The following SOAT2 variants were observed in gnomAD, a reference collection of about 807,000 sequenced individuals.
SOAT2 encodes the protein ACAT-2.
A neutral mutation model predicts 76.0 loss-of-function variants in SOAT2; 87 were observed. That is an observed-to-expected ratio of 1.14 (90% CI 0.96 to 1.37). The LOEUF is 1.37. SOAT2 is among the 40% of genes most tolerant of loss of function. The pLI is 0.00. For synonymous variants in SOAT2, 285 were observed against 275.4 expected (o/e 1.03, Z -0.34); for missense variants, 686 against 682.1 (o/e 1.01, Z -0.06).
rs1473665344 is a variant in SOAT2, at chr12:53,119,115, C to G, written c.910-9C>G. On this transcript the variant is annotated splice_polypyrimidine_tract_variant and intron_variant, in intron 9 of 14. Transcript: ENST00000301466. Reference sequence around the variant, plus strand: ...CCTCTCCAGTTATGTGTCCCCATGCCCCCTCCAGGCCCTGGGATGTGTGCT... The same window carrying G: ...CCTCTCCAGTTATGTGTCCCCATGCGCCCTCCAGGCCCTGGGATGTGTGCT... 3.7e-6 allele frequency: 6 copies of G among 1,613,762 alleles called. No individual in the cohort carries two copies. The highest frequency in any genetic ancestry group is 4.2e-6 in the Non-Finnish European group (5 of 1,179,900).
intron 10 of SOAT2, among the ~76,000 whole-genome samples, chr12:53,119,655 A>G (rs957277568): frequency 2.6e-4 from 20 of 77,328 alleles, no homozygotes; most frequent in African/African-American, 4.9e-4. Context: ...CTGGGGGAAG[A>G]TATGTGCTTC....
rs148654512 is a variant in SOAT2, at chr12:53,121,294, C to G, written c.1138-9C>G. The stretch of plus-strand genomic sequence containing the variant: ...CTCCTTTCCCCCACTCTGACCCCAC[C>G]TTCTCCAGGACTGGTGGAACTCAAC... On this transcript the variant is annotated splice_polypyrimidine_tract_variant and intron_variant, in intron 11 of 14. Coordinates refer to ENST00000301466, the MANE Select transcript of SOAT2 (RefSeq NM_003578.4). 6,917 of 1,610,924 alleles carry G rather than the reference C, an allele frequency of 4.3e-3. 26 individuals are homozygous for G. The highest frequency in any genetic ancestry group is 4.9e-3 in the Non-Finnish European group (5,720 of 1,177,090).
chr12:53,120,021 C>G (rs570393691), intron 10 of SOAT2, among the ~76,000 whole-genome samples: 2 of 152,312 alleles, frequency 1.3e-5, no homozygotes, highest in African/African-American at 4.8e-5. Context: ...AGTAAATGTA[C>G]ATGAACAAAT....
intron 5 of SOAT2, among the ~76,000 whole-genome samples, chr12:53,111,690 A>G (rs1171725958): frequency 6.6e-6 from 1 of 152,242 alleles, no homozygotes; most frequent in Non-Finnish European, 1.5e-5. Flanking sequence ...TGCTTGATCA[A>G]TAAATGCAAA....
chr12:53,120,795 T>C lies in SOAT2; in HGVS notation c.1049T>C (p.Met350Thr), dbSNP rs767829321. Residue 350 changes from methionine (M) to threonine (T), a missense_variant, in exon 11 of 15, where the codon ATG becomes ACG. Met to Thr is a moderately conservative substitution (Grantham distance 81). Transcript: ENST00000301466. ...TGTCCCCAACCACCAGGCATCTTCA[T>C]GCTGCTGCTCATCTTCTTTGCCTTC... ...ILHATLPGIFMLLLIFFAFLH... is the reference protein window; with the variant it reads ...ILHATLPGIFTLLLIFFAFLH... The C allele has an allele frequency of 3.1e-6, 5 of 1,613,914 alleles. No homozygotes were observed. The highest frequency in any genetic ancestry group is 1.7e-5 in the Admixed American group (1 of 60,026).
In SOAT2 at chr12:53,123,094, G is replaced by A. The variant is rs149485045; in HGVS notation, c.1250G>A (p.Arg417Gln). ...TCACCCTGCCAGCTCCTTGGTGCCCGGGCCCGAGGGGTAGCCATGCTGGGT... is the reference window on the plus strand; with the variant it reads ...TCACCCTGCCAGCTCCTTGGTGCCCAGGCCCGAGGGGTAGCCATGCTGGGT... ...YQDGLRLLGARARGVAMLGVF... is the reference protein window; with the variant it reads ...YQDGLRLLGAQARGVAMLGVF... The change falls in exon 13 of 15, where the codon CGG becomes CAG. Residue 417 changes from arginine to glutamine, a missense_variant. By Grantham distance (43) the Arg-to-Gln change is conservative. Coordinates refer to ENST00000301466, the MANE Select transcript of SOAT2 (RefSeq NM_003578.4). The A allele has an allele frequency of 1.2e-3, 1,884 of 1,612,378 alleles. 6 individuals are homozygous for A. The highest frequency in any genetic ancestry group is 1.1e-3 in the Non-Finnish European group (1,299 of 1,179,392).
chr12:53,118,500 C>G, intron 8 of SOAT2, 66 bp downstream of exon 8: 2 of 1,175,926 alleles, frequency 1.7e-6, no homozygotes, highest in African/African-American at 3.0e-5. Context: ...CTACTCTCCC[C>G]TCCCTGAGGT....
At chr12:53,120,641 G>A (rs1012040241) in intron 10 of SOAT2, 145 bp from the exon 11 acceptor site, 2 of 562,400 alleles carry the variant, frequency 3.6e-6, no homozygotes, top group African/African-American at 3.9e-5. Context: ...AAAAAGGAAT[G>A]CATAAATTTG....
Position 53,115,590 on chromosome 12 carries a change from C to G in SOAT2, c.644C>G (p.Pro215Arg). Residue 215 changes from proline (P) to arginine (R), a missense_variant, in exon 6 of 15, where the codon CCG becomes CGG. Transcript: ENST00000301466. Reference protein sequence around the residue: ...AAHAVVLCALPVHVAVEHQLP... With the variant: ...AAHAVVLCALRVHVAVEHQLP... ...CACGCCGTGGTGCTCTGCGCGCTGC[C>G]GGTCCACGTGGCCGTGGAGCATCAG... is the stretch of plus-strand genomic sequence containing the variant. 1 of 1,576,950 alleles carries G rather than the reference C, an allele frequency of 6.3e-7. No individual in the cohort carries two copies. Among genetic ancestry groups the G allele is most frequent in the Non-Finnish European group, 8.6e-7 (1 of 1,167,462 alleles).
chr12:53,107,832 A>C (rs922398487), intron 5 of SOAT2, among the ~76,000 whole-genome samples: 2 of 152,032 alleles, frequency 1.3e-5, no homozygotes, highest in African/African-American at 2.4e-5. Flanking sequence ...CGTGTTGGCC[A>C]GGCTGGTCTC....
rs1333751783 is a variant in SOAT2 at position 53,105,887 on chromosome 12, T to C, written c.336-20T>C. On this transcript the variant is annotated intron_variant, in intron 4 of 14. Transcript: ENST00000301466. Reference sequence around the variant, plus strand: ...CCTGAGGACCCTCCCACACTGACTTTCGGGCCCCTGTCCCTCTAGTGAGCT... The same window carrying C: ...CCTGAGGACCCTCCCACACTGACTTCCGGGCCCCTGTCCCTCTAGTGAGCT... The C allele has an allele frequency of 1.4e-6, 2 of 1,392,858 alleles. No individual in the cohort carries two copies. Among genetic ancestry groups the C allele is most frequent in the Non-Finnish European group, 1.9e-6 (2 of 1,073,596 alleles). 86.3% of individuals were successfully genotyped at this position (1,392,858 alleles called of 1,614,324 possible). A position where few individuals can be genotyped will look rare whatever the true frequency, so the allele number is the denominator to read the frequency against.
chr12:53,112,098 C>CT (rs1938021300), intron 5 of SOAT2, among the ~76,000 whole-genome samples: 1 of 152,158 alleles, frequency 6.6e-6, no homozygotes, highest in Admixed American at 6.5e-5. Context: ...TCATGTGAGG[C>CT]TTTTACAGTG....
At chr12:53,104,290 T>A in intron 2 of SOAT2, 84 bp downstream of exon 2, 7 of 135,594 alleles carry the variant, frequency 5.2e-5, no homozygotes, top group Non-Finnish European at 8.4e-5. Flanking sequence ...TAAAGATGAC[T>A]TTTTTTTTTT....
chr12:53,118,347 C>A lies in SOAT2; in HGVS notation c.779-3C>A. On this transcript the variant is annotated splice_region_variant and splice_polypyrimidine_tract_variant and intron_variant, in intron 7 of 14. Transcript: ENST00000301466. ...CTAATCCACCCCTCTCATTCCTCCC[C>A]AGGTGAGGGGATCCAGGCCCCCAGT... 2 of 1,609,472 alleles carry A rather than the reference C, an allele frequency of 1.2e-6. No individual in the cohort carries two copies. Among genetic ancestry groups the A allele is most frequent in the Non-Finnish European group, 1.7e-6 (2 of 1,176,084 alleles).
At chr12:53,104,739 G>A (rs11170411) in intron 2 of SOAT2, among the ~76,000 whole-genome samples, 4,543 of 152,260 alleles carry the variant, frequency 0.03, 237 homozygotes, top group African/African-American at 0.1. Context: ...AGGTGACCAG[G>A]CTGGAATTCA....
Position 53,123,136 on chromosome 12 carries a change from C to A in SOAT2, c.1292C>A (p.Ala431Glu). ...VAMLGVFLVS[A>E]VAHEYIFCFV... ...ATGCTGGGTGTGTTCCTGGTCTCCGCAGTGGCCCATGAGTATATCTTCTGC... is the reference window on the plus strand; with the variant it reads ...ATGCTGGGTGTGTTCCTGGTCTCCGAAGTGGCCCATGAGTATATCTTCTGC... Residue 431 changes from alanine (A) to glutamate (E), a missense_variant, in exon 13 of 15, where the codon GCA becomes GAA. Physicochemically the swap from Ala to Glu is moderately radical, Grantham distance 107 (BLOSUM62 -1). Coordinates refer to ENST00000301466, the MANE Select transcript of SOAT2 (RefSeq NM_003578.4). 1 of 1,614,080 alleles carries A rather than the reference C, an allele frequency of 6.2e-7. No homozygotes were observed. The highest frequency in any genetic ancestry group is 8.5e-7 in the Non-Finnish European group (1 of 1,179,968).
intron 1 of SOAT2, 70 bp downstream of exon 1, chr12:53,103,729 G>GCCTTCTCTCCAT: frequency 2.4e-6 from 3 of 1,257,578 alleles, no homozygotes; most frequent in Non-Finnish European, 3.2e-6. Flanking sequence ...GCGCTATGGA[G>GCCTTCTCTCCAT]AGAAGGCTCC....
In SOAT2 at chr12:53,103,616, A is replaced by C. The variant is rs750691007; in HGVS notation, c.39A>C (p.Thr13=). 2 of 1,546,328 alleles carry C rather than the reference A, an allele frequency of 1.3e-6. No individual in the cohort carries two copies. Among genetic ancestry groups the C allele is most frequent in the South Asian group, 2.4e-5 (2 of 83,944 alleles). ...PGGARLRLQR[T]EGLGGERERQ... is the part of the protein sequence containing the mutation. ...GGGCCCGTCTGCGTCTGCAGAGGACAGAAGGGCTGGGAGGGGAGCGGGAGC... is the reference window on the plus strand; with the variant it reads ...GGGCCCGTCTGCGTCTGCAGAGGACCGAAGGGCTGGGAGGGGAGCGGGAGC... The change falls in exon 1 of 15, where the codon ACA becomes ACC. Residue 13 remains threonine, a synonymous_variant. Transcript: ENST00000301466.
intron 7 of SOAT2, among the ~76,000 whole-genome samples, chr12:53,116,446 A>G (rs995217216): frequency 6.6e-6 from 1 of 152,236 alleles, no homozygotes; most frequent in South Asian, 2.1e-4. Flanking sequence ...TTCCATTTAT[A>G]GAGCACAGGC....
Sources: allele counts gnomAD v4.1 joint callset (sites outside exome capture counted in the v4.1 genomes callset), GRCh38; gene constraint gnomAD v4.1.1; transcripts MANE v1.5; gene names NCBI Gene and HGNC (gene_info 2026-07-23, HGNC 2026-07-21).